Variants in CLVS1 observed in about 807,000 individuals in gnomAD.
CLVS1 encodes clavesin 1.
CLVS1 carries 10 observed loss-of-function variants against 33.1 expected under a neutral mutation model. The ratio of observed to expected loss-of-function variants is 0.30; its 90% CI spans 0.19 to 0.51. The LOEUF (loss-of-function observed/expected upper bound fraction) is 0.51. Ranked by LOEUF, CLVS1 falls within the 20% of genes least tolerant of loss-of-function variation. The pLI is 0.97. For missense variants in CLVS1, 343 were observed against 433.4 expected (o/e 0.79, Z 1.85); for synonymous variants, 163 against 166.1 (o/e 0.98, Z 0.14).
At chr8:61,019,539 T>C in the CLVS1 span, among the ~76,000 whole-genome samples, 1 of 152,162 alleles carries the variant, frequency 6.6e-6, no homozygotes, top group Non-Finnish European at 1.5e-5. Context: ...TGTTCTAATT[T>C]ATCTTATTCT....
rs1019188657 is a variant in CLVS1 at position 61,324,838 on chromosome 8, C to G, written c.455+24556C>G. Among the ~76,000 whole-genome samples, 3 of 152,038 alleles carry G rather than the reference C, an allele frequency of 2.0e-5. No homozygotes were observed. In the South Asian group the frequency reaches 6.2e-4, roughly 32 times the overall value. On this transcript the variant is annotated intron_variant, in intron 2 of 5. Coordinates refer to ENST00000325897, the MANE Select transcript of CLVS1 (RefSeq NM_173519.3). ...TGGCTGAATTAATTTACACTCCTACCAACAGTGTACAAGCAGAGAACAGTA... is the reference window on the plus strand; with the variant it reads ...TGGCTGAATTAATTTACACTCCTACGAACAGTGTACAAGCAGAGAACAGTA...
intron 3 of CLVS1, among the ~76,000 whole-genome samples, chr8:61,421,576 A>C (rs117567963): frequency 6.6e-6 from 1 of 152,264 alleles, no homozygotes; most frequent in East Asian, 1.9e-4. Flanking sequence ...AAAGGGACTA[A>C]ATTTTTCAAT....
intron 2 of CLVS1, among the ~76,000 whole-genome samples, chr8:61,162,383 C>T (rs576996971): frequency 6.6e-6 from 1 of 152,278 alleles, no homozygotes; most frequent in East Asian, 1.9e-4. Context: ...GGAAAATTGT[C>T]TTGGCCTCAT....
chr8:61,108,770 C>T (rs1805581032), intron 1 of CLVS1, among the ~76,000 whole-genome samples: 1 of 152,184 alleles, frequency 6.6e-6, no homozygotes, highest in Non-Finnish European at 1.5e-5. Flanking sequence ...AAGCTTAGCC[C>T]TAAGTCTGGT....
intron 5 of CLVS1, among the ~76,000 whole-genome samples, chr8:61,495,211 G>A (rs545414709): frequency 3.3e-5 from 5 of 152,208 alleles, no homozygotes; most frequent in African/African-American, 1.2e-4. Context: ...TTCCTTTCAT[G>A]TCTAACACCT....
chr8:61,059,499 T>TATATATACATATATATATATAC lies in CLVS1; in HGVS notation c.-243+2270_-243+2271insTATATACATATATATATATACA, dbSNP rs1265187479. ...ACATATATATATATATATATATATATACACATATCTTGAAAATAGCACGAG... is the reference window on the plus strand; with the variant it reads ...ACATATATATATATATATATATATATATATATACATATATATATATACACACATATCTTGAAAATAGCACGAG... On this transcript the variant is annotated intron_variant, in intron 1 of 2. Transcript: ENST00000522621. 3.1e-5 allele frequency among the ~76,000 whole-genome samples: 3 copies of TATATATACATATATATATATAC among 96,370 alleles called. 1 individual carries two copies. The East Asian group carries it at 1.6e-3, about 53-fold the overall frequency. 63.2% of individuals were successfully genotyped at this position (96,370 alleles called of 152,430 possible).
At chr8:61,326,804 T>C (rs1400251245) in intron 2 of CLVS1, among the ~76,000 whole-genome samples, 2 of 152,176 alleles carry the variant, frequency 1.3e-5, no homozygotes, top group Non-Finnish European at 2.9e-5. Context: ...AGGTCAATAA[T>C]TCCAAATCTG....
intron 3 of CLVS1, among the ~76,000 whole-genome samples, chr8:61,409,841 A>G (rs1217591832): frequency 6.6e-6 from 1 of 152,194 alleles, no homozygotes; most frequent in Non-Finnish European, 1.5e-5. Flanking sequence ...GAAAAATGTC[A>G]CAGTGAAATT....
In CLVS1 at chr8:61,253,459, T is replaced by C. The variant is rs1020082778; in HGVS notation, c.-151-46218T>C. Among the ~76,000 whole-genome samples the C allele has an allele frequency of 2.6e-4, 39 of 152,342 alleles. 1 individual carries two copies. The highest frequency in any genetic ancestry group is 9.4e-4 in the African/African-American group (39 of 41,584). ...ATTCTCTGTATTTCCTGAATTTGAA[T>C]GTTGGCCTGCCTTTCTAGATTGGGG... On this transcript the variant is annotated intron_variant, in intron 2 of 2. Transcript: ENST00000522621.
At chr8:61,471,131 G>T (rs535626933) in intron 5 of CLVS1, among the ~76,000 whole-genome samples, 2 of 152,214 alleles carry the variant, frequency 1.3e-5, no homozygotes, top group South Asian at 4.1e-4. Flanking sequence ...TTCCTATCTG[G>T]TCATTTTCTT....
At chr8:61,192,382 G>T (rs1585677338) in intron 2 of CLVS1, among the ~76,000 whole-genome samples, 1 of 152,242 alleles carries the variant, frequency 6.6e-6, no homozygotes, top group East Asian at 1.9e-4. Context: ...AATTCAGGAT[G>T]AATTAAAGAC....
Position 61,367,740 on chromosome 8 carries a change from C to A in CLVS1, c.456-8865C>A, listed in dbSNP as rs73682276. Among the ~76,000 whole-genome samples the A allele has an allele frequency of 2.1e-3, 327 of 152,336 alleles. 1 individual carries two copies. Among genetic ancestry groups the A allele is most frequent in the African/African-American group, 7.6e-3 (314 of 41,578 alleles). ...ACACAGAGATTAAGTTACTTGCTAACCTTACATAGGACAGCTGGGATTTAA... is the reference window on the plus strand; with the variant it reads ...ACACAGAGATTAAGTTACTTGCTAAACTTACATAGGACAGCTGGGATTTAA... On this transcript the variant is annotated intron_variant, in intron 2 of 5. Coordinates refer to ENST00000325897, the MANE Select transcript of CLVS1 (RefSeq NM_173519.3).
intron 2 of CLVS1, among the ~76,000 whole-genome samples, chr8:61,160,718 A>C (rs1806735256): frequency 6.6e-6 from 1 of 152,116 alleles, no homozygotes. Flanking sequence ...GGATTTGTTG[A>C]GTCCAGTTAA....
chr8:60,986,601 C>T, the CLVS1 span, among the ~76,000 whole-genome samples: 4 of 152,244 alleles, frequency 2.6e-5, no homozygotes, highest in African/African-American at 7.2e-5. Flanking sequence ...TCTGGAACTG[C>T]GGAAGATTAG....
the CLVS1 span, among the ~76,000 whole-genome samples, chr8:61,008,259 A>G: frequency 5.0e-4 from 76 of 152,256 alleles, no homozygotes; most frequent in African/African-American, 1.7e-3. Context: ...TGGCACCCAA[A>G]TTGGTCACCA....
the CLVS1 span, among the ~76,000 whole-genome samples, chr8:61,036,393 G>A: frequency 6.6e-6 from 1 of 152,186 alleles, no homozygotes; most frequent in Non-Finnish European, 1.5e-5. Flanking sequence ...CTGCAGGTGG[G>A]GCAGCAACCT....
At chr8:61,473,331 T>A (rs1216826998) in intron 5 of CLVS1, among the ~76,000 whole-genome samples, 2 of 115,446 alleles carry the variant, frequency 1.7e-5, no homozygotes, top group African/African-American at 3.3e-5. Flanking sequence ...CATCTGAAAT[T>A]CACGGAATTT....
At chr8:61,054,832 A>G (rs1804449597), upstream of CLVS1, among the ~76,000 whole-genome samples, 1 of 152,176 alleles carries the variant, frequency 6.6e-6, no homozygotes, top group East Asian at 1.9e-4. Flanking sequence ...CGATAAGGAT[A>G]AAATATGCTC....
intron 2 of CLVS1, among the ~76,000 whole-genome samples, chr8:61,281,311 G>T (rs1029530482): frequency 2.6e-5 from 4 of 152,132 alleles, no homozygotes; most frequent in African/African-American, 9.7e-5. Context: ...ATATGCTGAA[G>T]CTCTAAACCT....
Sources: gnomAD v4.1 joint callset for allele counts (sites outside exome capture counted in the v4.1 genomes callset) on GRCh38, gnomAD v4.1.1 for gene constraint, MANE v1.5 for transcripts, NCBI Gene and HGNC (gene_info 2026-07-23, HGNC 2026-07-21) for gene names.